PIK3AP1: variants seen among roughly 807,000 people sequenced by gnomAD.
PIK3AP1 encodes the protein phosphoinositide 3-kinase adapter protein 1.
In PIK3AP1, 21 loss-of-function variants were observed where a neutral mutation model predicts 88.1. That is an observed-to-expected ratio of 0.24 (90% CI 0.17 to 0.34). PIK3AP1 has a LOEUF of 0.34. Ranked by LOEUF, PIK3AP1 falls within the 10% of genes least tolerant of loss-of-function variation. The pLI is 1.00. For synonymous variants in PIK3AP1, 398 were observed against 400.0 expected (o/e 1.00, Z 0.06); for missense variants, 828 against 1,035.7 (o/e 0.80, Z 2.75).
chr10:96,598,009 C>A (rs2134175844), intron 16 of PIK3AP1, among the ~76,000 whole-genome samples: 1 of 149,776 alleles, frequency 6.7e-6, no homozygotes, highest in African/African-American at 2.5e-5. Flanking sequence ...AATTGCAGAC[C>A]TATAATTATA....
intron 8 of PIK3AP1, among the ~76,000 whole-genome samples, chr10:96,638,619 A>G (rs1843345522): frequency 6.6e-6 from 1 of 152,214 alleles, no homozygotes; most frequent in South Asian, 2.1e-4. Flanking sequence ...TTATGCAGAC[A>G]AATGCCTCAG....
intron 16 of PIK3AP1, 101 bp downstream of exon 16, chr10:96,602,179 A>G: frequency 9.6e-7 from 1 of 1,038,232 alleles, no homozygotes; most frequent in Non-Finnish European, 1.4e-6. Context: ...CACTGCGCCC[A>G]GCTCTGCGCT....
At chr10:96,714,174 CAA>C (rs879458977) in intron 1 of PIK3AP1, among the ~76,000 whole-genome samples, 3 of 132,278 alleles carry the variant, frequency 2.3e-5, no homozygotes, top group East Asian at 2.4e-4. Flanking sequence ...AACTCCGTCT[CAA>C]AAAAAAAAAA....
At chr10:96,605,420 A>G (rs1451795745) in intron 14 of PIK3AP1, among the ~76,000 whole-genome samples, 1 of 152,222 alleles carries the variant, frequency 6.6e-6, no homozygotes, top group Non-Finnish European at 1.5e-5. Context: ...TGGCTACCAT[A>G]ACTGGACAGC....
chr10:96,613,428 C>T (rs1478676523), intron 13 of PIK3AP1, among the ~76,000 whole-genome samples: 2 of 152,146 alleles, frequency 1.3e-5, no homozygotes, highest in Non-Finnish European at 2.9e-5. Flanking sequence ...GATTGCTTGC[C>T]GTCCCCGGTC....
chr10:96,685,742 T>C (rs1211434253), intron 2 of PIK3AP1, among the ~76,000 whole-genome samples: 1 of 152,214 alleles, frequency 6.6e-6, no homozygotes, highest in African/African-American at 2.4e-5. Flanking sequence ...CATGTCCACA[T>C]GTCCTGGTCC....
At chr10:96,597,847 G>A (rs1192887765) in intron 16 of PIK3AP1, among the ~76,000 whole-genome samples, 2 of 152,070 alleles carry the variant, frequency 1.3e-5, no homozygotes, top group East Asian at 3.9e-4. Flanking sequence ...CTATCACAAA[G>A]ACAACCATGA....
chr10:96,600,965 C>T (rs1349176710), intron 16 of PIK3AP1, among the ~76,000 whole-genome samples: 1 of 152,106 alleles, frequency 6.6e-6, no homozygotes, highest in African/African-American at 2.4e-5. Context: ...AAGGTTCCTA[C>T]CAGAGGCCCA....
chr10:96,617,264 T>C (rs1463864100), intron 12 of PIK3AP1, among the ~76,000 whole-genome samples: 1 of 152,190 alleles, frequency 6.6e-6, no homozygotes, highest in African/African-American at 2.4e-5. Context: ...AATCCTGCCA[T>C]CTGGCCCATT....
intron 2 of PIK3AP1, among the ~76,000 whole-genome samples, chr10:96,684,988 G>A (rs955993108): frequency 3.9e-5 from 6 of 152,254 alleles, no homozygotes; most frequent in South Asian, 4.2e-4. Context: ...TTAAAAGATC[G>A]GTAGGAAGAT....
intron 2 of PIK3AP1, among the ~76,000 whole-genome samples, chr10:96,679,804 G>A (rs897184308): frequency 6.6e-6 from 1 of 152,174 alleles, no homozygotes; most frequent in Non-Finnish European, 1.5e-5. Context: ...CAAGACGGCT[G>A]TGGTAGCCAC....
At position 96,656,811 on chromosome 10, in the gene PIK3AP1, C is replaced by T. The variant is rs1364487885; in HGVS notation, c.554G>A (p.Arg185His). 5.6e-6 allele frequency: 9 copies of T among 1,613,990 alleles called. No individual in the cohort carries two copies. The East Asian group carries it at 1.8e-4, about 32-fold the overall frequency. The change falls in exon 3 of 17, where the codon CGC becomes CAC. Residue 185 changes from arginine (R) to histidine (H), a missense_variant. This residue lies in a region of PIK3AP1 where 610 missense variants were observed against 760.1 expected (regional missense o/e 0.80). Transcript: ENST00000339364. ...PGNLMVVQPD[R>H]IRCGAETTVY... ...AGCAGTGCCTACCCCACAGCGAATG[C>T]GGTCCGGCTGCACCACCATCAGGTT...
rs560459014 is a variant in PIK3AP1 at position 96,713,972 on chromosome 10, G to A, written c.14-3989C>T. On this transcript the variant is annotated intron_variant, in intron 1 of 16. Coordinates refer to ENST00000339364, the MANE Select transcript of PIK3AP1 (RefSeq NM_152309.3). ...GCGGATCACCTAAGGTCAGGAGTTCGAGACCAGCCTGACCAATATGATGAA... is the reference window on the plus strand; with the variant it reads ...GCGGATCACCTAAGGTCAGGAGTTCAAGACCAGCCTGACCAATATGATGAA... 1.6e-4 allele frequency among the ~76,000 whole-genome samples: 25 copies of A among 152,204 alleles called. 1 individual carries two copies. The South Asian group carries it at 4.1e-3, about 25-fold the overall frequency.
chr10:96,698,997 G>A (rs1308137336), intron 2 of PIK3AP1, among the ~76,000 whole-genome samples: 1 of 152,024 alleles, frequency 6.6e-6, no homozygotes, highest in Non-Finnish European at 1.5e-5. Context: ...GGCCAACATA[G>A]AGAAATCCCA....
At chr10:96,697,490 C>A (rs1265882499) in intron 2 of PIK3AP1, among the ~76,000 whole-genome samples, 1 of 152,096 alleles carries the variant, frequency 6.6e-6, no homozygotes, top group African/African-American at 2.4e-5. Context: ...TTTGGGAGGA[C>A]AAGGGGAGGA....
chr10:96,607,846 G>C (rs1042910119), intron 14 of PIK3AP1, among the ~76,000 whole-genome samples: 7 of 152,188 alleles, frequency 4.6e-5, no homozygotes, highest in Non-Finnish European at 1.0e-4. Context: ...GTCCCCCACT[G>C]AGTCCTGTTT....
intron 2 of PIK3AP1, among the ~76,000 whole-genome samples, chr10:96,668,201 T>C (rs1440770297): frequency 1.3e-5 from 2 of 152,164 alleles, no homozygotes; most frequent in South Asian, 2.1e-4. Context: ...GTTACCTACA[T>C]TTTACCACAA....
At chr10:96,664,642 C>T (rs951494534) in intron 2 of PIK3AP1, among the ~76,000 whole-genome samples, 1 of 152,124 alleles carries the variant, frequency 6.6e-6, no homozygotes, top group South Asian at 2.1e-4. Context: ...GCTAATAGTG[C>T]GGCACTTGGC....
At chr10:96,707,585 G>A (rs1402133227) in intron 2 of PIK3AP1, among the ~76,000 whole-genome samples, 3 of 152,144 alleles carry the variant, frequency 2.0e-5, no homozygotes, top group African/African-American at 4.8e-5. Context: ...GCACCACTGC[G>A]CCCAGCCACA....
Sources: gnomAD v4.1 joint callset for allele counts (sites outside exome capture counted in the v4.1 genomes callset) on GRCh38, gnomAD v4.1.1 for gene constraint, gnomAD v4.1.1 regional missense constraint, MANE v1.5 for transcripts, NCBI Gene and HGNC (gene_info 2026-07-23, HGNC 2026-07-21) for gene names.